PPAT: variants seen among roughly 807,000 people sequenced by gnomAD.
PPAT encodes amidophosphoribosyltransferase.
In PPAT, 20 loss-of-function variants were observed where a neutral mutation model predicts 60.2. The observed-to-expected ratio is 0.33, with a 90% CI of 0.23 to 0.48. The LOEUF is 0.48. PPAT is among the 20% of genes least tolerant of loss of function. PPAT has a pLI of 0.99. For synonymous variants in PPAT, 194 were observed against 215.1 expected (o/e 0.90, Z 0.86); for missense variants, 349 against 629.6 (o/e 0.55, Z 4.77).
chr4:56,402,543 G>A (rs1716138749), intron 5 of PPAT, among the ~76,000 whole-genome samples: 2 of 152,122 alleles, frequency 1.3e-5, no homozygotes, highest in Non-Finnish European at 1.5e-5. Context: ...CCAGCCAGGC[G>A]TGGTGGCTCA....
At chr4:56,400,135 A>G (rs1381914782) in intron 8 of PPAT, 1 of 152,298 alleles carries the variant, frequency 6.6e-6, no homozygotes, top group Non-Finnish European at 1.5e-5. Context: ...GTTTTCTTCC[A>G]TCTCTGCCAC....
chr4:56,420,721 C>T (rs1716997286), intron 1 of PPAT: 1 of 152,004 alleles, frequency 6.6e-6, no homozygotes, highest in Non-Finnish European at 1.5e-5. Flanking sequence ...AGAAAAAGGG[C>T]ATTGAAGAAC....
chr4:56,408,313 T>C (rs1329827213), intron 1 of PPAT: 2 of 152,306 alleles, frequency 1.3e-5, no homozygotes, highest in African/African-American at 4.8e-5. Flanking sequence ...CACACGCTTG[T>C]AGTCCCAGCT....
chr4:56,411,425 A>G (rs909051211), intron 1 of PPAT, among the ~76,000 whole-genome samples: 4 of 152,222 alleles, frequency 2.6e-5, no homozygotes, highest in African/African-American at 7.2e-5. Context: ...ACAATGAAGA[A>G]GAACAGCTCC....
Position 56,394,360 on chromosome 4 carries a change from G to A in PPAT, c.*992C>T, listed in dbSNP as rs1489642449. On this transcript the variant is annotated 3_prime_UTR_variant, in exon 11 of 11. Coordinates refer to ENST00000264220, the MANE Select transcript of PPAT (RefSeq NM_002703.5). ...ATTGCAATAATATTTATGTGTATGT[G>A]TACATGTATATGTACATCTACATGT... The A allele has an allele frequency of 1.3e-5, 2 of 151,998 alleles. No homozygotes were observed. Among genetic ancestry groups the A allele is most frequent in the Non-Finnish European group, 1.5e-5 (1 of 68,002 alleles). The allele number at this position is 151,998 out of a possible 1,614,324, so 9.4% of individuals were successfully genotyped here.
chr4:56,413,112 C>G (rs1716546847), intron 1 of PPAT, among the ~76,000 whole-genome samples: 1 of 151,770 alleles, frequency 6.6e-6, no homozygotes, highest in South Asian at 2.1e-4. Context: ...GATATAATTA[C>G]TTTGGTTTTT....
chr4:56,425,300 AATT>A (rs1447618052), intron 1 of PPAT: 2 of 171,078 alleles, frequency 1.2e-5, no homozygotes, highest in African/African-American at 4.8e-5. Flanking sequence ...TTAGCAGTAA[AATT>A]ATTACATAAA....
chr4:56,406,830 T>C, intron 2 of PPAT, 129 bp from the exon 3 acceptor site: 2 of 709,180 alleles, frequency 2.8e-6, no homozygotes, highest in South Asian at 4.0e-5. Context: ...TGTTTCAGAA[T>C]TCTAATCTAA....
At chr4:56,431,486 G>T (rs1273491026) in intron 1 of PPAT, 2 of 976,796 alleles carry the variant, frequency 2.0e-6, no homozygotes, top group African/African-American at 3.5e-5. Context: ...TCCTCAAAGC[G>T]TAATAACAGA....
chr4:56,399,421 G>A, intron 8 of PPAT, 21 bp from the exon 9 acceptor site: 3 of 1,567,476 alleles, frequency 1.9e-6, no homozygotes, highest in Non-Finnish European at 2.6e-6. Flanking sequence ...AGAAATGAAA[G>A]GATAATGAGG....
chr4:56,398,426 A>G (rs76406579), intron 9 of PPAT, among the ~76,000 whole-genome samples: 2,828 of 152,290 alleles, frequency 0.019, 35 homozygotes, highest in Non-Finnish European at 0.029. Flanking sequence ...GATTGGCTGC[A>G]TGTCTTCAAG....
At chr4:56,404,504 G>A (rs1465893760) in intron 3 of PPAT, among the ~76,000 whole-genome samples, 4 of 152,194 alleles carry the variant, frequency 2.6e-5, no homozygotes, top group Non-Finnish European at 4.4e-5. Flanking sequence ...CAGCCCCATG[G>A]ACATGCACAG....
chr4:56,412,457 G>A (rs1477988336), intron 1 of PPAT, among the ~76,000 whole-genome samples: 3 of 152,136 alleles, frequency 2.0e-5, no homozygotes, highest in Non-Finnish European at 2.9e-5. Context: ...TATGGGGTGT[G>A]AGCCACCATG....
At chr4:56,404,379 T>A (rs78890667) in intron 3 of PPAT, among the ~76,000 whole-genome samples, 1 of 152,188 alleles carries the variant, frequency 6.6e-6, no homozygotes, top group Admixed American at 6.5e-5. Context: ...TTATTACTGA[T>A]AGAAGAAAGT....
intron 1 of PPAT, chr4:56,425,570 G>T (rs901658576): frequency 6.2e-6 from 1 of 162,172 alleles, no homozygotes; most frequent in African/African-American, 2.4e-5. Context: ...GCATAATAAA[G>T]AATATATCTA....
intron 1 of PPAT, among the ~76,000 whole-genome samples, chr4:56,431,906 C>A (rs1717601989): frequency 6.6e-6 from 1 of 152,166 alleles, no homozygotes; most frequent in Non-Finnish European, 1.5e-5. Flanking sequence ...AACATACCCA[C>A]ACACATGCAT....
chr4:56,394,360 GTACATGTATATGTACATC>G lies in PPAT; in HGVS notation c.*974_*991del, dbSNP rs1290516605. On this transcript the variant is annotated 3_prime_UTR_variant, in exon 11 of 11. Transcript: ENST00000264220. The stretch of plus-strand genomic sequence containing the variant: ...ATTGCAATAATATTTATGTGTATGT[GTACATGTATATGTACATC>G]TACATGTATATATGTTTGCAAGTGA... The G allele has an allele frequency of 2.0e-5, 3 of 151,998 alleles. No homozygotes were observed. The highest frequency in any genetic ancestry group is 1.3e-4 in the Admixed American group (2 of 15,256). The allele number at this position is 151,998 out of a possible 1,614,324, so 9.4% of individuals were successfully genotyped here. A position where few individuals can be genotyped will look rare whatever the true frequency, so the allele number is the denominator to read the frequency against.
intron 1 of PPAT, chr4:56,422,832 C>T (rs1717110762): frequency 6.6e-6 from 1 of 152,142 alleles, no homozygotes; most frequent in Admixed American, 6.5e-5. Context: ...CAATGTTCCC[C>T]ATCGCTGTTT....
At chr4:56,402,601 G>A (rs1716139617) in intron 5 of PPAT, among the ~76,000 whole-genome samples, 1 of 152,090 alleles carries the variant, frequency 6.6e-6, no homozygotes, top group African/African-American at 2.4e-5. Flanking sequence ...CAGATCACCT[G>A]AGGTCAGGAG....
Sources: allele counts gnomAD v4.1 joint callset (sites outside exome capture counted in the v4.1 genomes callset), GRCh38; gene constraint gnomAD v4.1.1; transcripts MANE v1.5; gene names NCBI Gene and HGNC (gene_info 2026-07-23, HGNC 2026-07-21).